MCM5: variants seen among roughly 807,000 people sequenced by gnomAD.
MCM5 encodes the protein DNA replication licensing factor MCM5.
A neutral mutation model predicts 79.9 loss-of-function variants in MCM5; 46 were observed. The observed-to-expected ratio is 0.58, with a 90% CI of 0.45 to 0.74. The LOEUF is 0.74. Among genes scored for constraint, MCM5 ranks in the 30% least tolerant of loss-of-function variants. MCM5 has a pLI of 0.00. For missense variants in MCM5, 883 were observed against 1,017.0 expected, an observed-to-expected ratio of 0.87 and a Z score of 1.79; for synonymous variants, 404 against 390.5, an observed-to-expected ratio of 1.03 and a Z score of -0.41.
chr22:35,429,072 G>T (rs997263504), downstream of MCM5, among the ~76,000 whole-genome samples: 10 of 124,974 alleles, frequency 8.0e-5, no homozygotes, highest in African/African-American at 2.7e-4. Flanking sequence ...TGCAACCTCC[G>T]CCTCCCAGGT....
the MCM5 span, among the ~76,000 whole-genome samples, chr22:35,442,202 A>G: frequency 6.6e-6 from 1 of 150,724 alleles, no homozygotes; most frequent in Non-Finnish European, 1.5e-5. Context: ...TGTATATTAT[A>G]CTCCAGTGCC....
chr22:35,405,109 T>TCA (rs1932173451), intron 4 of MCM5, among the ~76,000 whole-genome samples: 1 of 147,112 alleles, frequency 6.8e-6, no homozygotes, highest in Non-Finnish European at 1.5e-5. Context: ...CACTGCAACT[T>TCA]CCGCCTCATG....
At position 35,414,128 on chromosome 22, in the gene MCM5, G is replaced by C. The variant is rs1028751779; in HGVS notation, c.1203+142G>C. ...CTTTCTCTTGGCTGCGGTCAGGATG[G>C]CCGAGGAGATGGGAGGAAGAAGGGA... is the stretch of plus-strand genomic sequence containing the variant. On this transcript the variant is annotated intron_variant, in intron 9 of 16. Coordinates refer to ENST00000216122, the MANE Select transcript of MCM5 (RefSeq NM_006739.4). 12 of 622,620 alleles carry C rather than the reference G, an allele frequency of 1.9e-5. No individual in the cohort carries two copies. In the African/African-American group the frequency reaches 2.0e-4, roughly 11 times the overall value. The allele number at this position is 622,620 out of a possible 1,614,324, so 38.6% of individuals were successfully genotyped here.
intron 7 of MCM5, 139 bp from the exon 8 acceptor site, chr22:35,412,371 C>A: frequency 1.7e-6 from 1 of 584,848 alleles, no homozygotes; most frequent in Non-Finnish European, 2.7e-6. Context: ...TCTCTGTTTA[C>A]TCAGATAGGT....
In MCM5 at chr22:35,406,599, C is replaced by A; in HGVS notation, c.470C>A (p.Ala157Glu). 1 of 1,613,790 alleles carries A rather than the reference C, an allele frequency of 6.2e-7. No individual in the cohort carries two copies. The highest frequency in any genetic ancestry group is 8.5e-7 in the Non-Finnish European group (1 of 1,180,004). Residue 157 changes from alanine (A) to glutamate (E), a missense_variant, in exon 5 of 17, where the codon GCG becomes GAG. By Grantham distance (107) the Ala-to-Glu change is moderately radical. Transcript: ENST00000216122. The stretch of plus-strand genomic sequence containing the variant: ...GTGAAGATCCCTGGCATCATCATCG[C>A]GGCCTCTGCGGTCCGTGCCAAGGCC... ...HLVKIPGIIIAASAVRAKATR... is the reference protein window; with the variant it reads ...HLVKIPGIIIEASAVRAKATR...
chr22:35,441,055 C>CAAAAAAA, the MCM5 span, among the ~76,000 whole-genome samples: 1 of 96,158 alleles, frequency 1.0e-5, no homozygotes, highest in Non-Finnish European at 2.1e-5. Context: ...GAAACTCTGT[C>CAAAAAAA]AAAAAAAAAA....
rs371404336 is a variant in MCM5, at chr22:35,406,612, C to G, written c.483C>G (p.Val161=). The change falls in exon 5 of 17, where the codon GTC becomes GTG. Residue 161 remains valine, a synonymous_variant. Transcript: ENST00000216122. The stretch of plus-strand genomic sequence containing the variant: ...GCATCATCATCGCGGCCTCTGCGGT[C>G]CGTGCCAAGGCCACCCGCATCTCTA... ...IPGIIIAASA[V]RAKATRISIQ... 53 of 1,613,466 alleles carry G rather than the reference C, an allele frequency of 3.3e-5. No individual in the cohort carries two copies. Among genetic ancestry groups the G allele is most frequent in the Non-Finnish European group, 4.2e-5 (49 of 1,180,044 alleles).
At chr22:35,450,399 TCA>T in the MCM5 span, among the ~76,000 whole-genome samples, 2 of 151,876 alleles carry the variant, frequency 1.3e-5, no homozygotes, top group Non-Finnish European at 2.9e-5. Context: ...CCCTCCAGGG[TCA>T]CACACCTCTC....
At position 35,424,178 on chromosome 22, in the gene MCM5, A is replaced by G. The variant is rs935263792; in HGVS notation, c.2128A>G (p.Lys710Glu). 2 of 1,551,886 alleles carry G rather than the reference A, an allele frequency of 1.3e-6. No individual in the cohort carries two copies. The highest frequency in any genetic ancestry group is 1.4e-5 in the African/African-American group (1 of 73,168). ...GAAATACCCGGAGCACGCCATCCAC[A>G]AGGTGCTGCAGCTCATGCTGCGGCG... ...KQKYPEHAIH[K>E]VLQLMLRRGE... Residue 710 changes from lysine to glutamate, a missense_variant, in exon 17 of 17, where the codon AAG becomes GAG. Lys to Glu is a moderately conservative substitution (Grantham distance 56). Coordinates refer to ENST00000216122, the MANE Select transcript of MCM5 (RefSeq NM_006739.4).
chr22:35,400,723 C>G, intron 2 of MCM5, 118 bp downstream of exon 2: 1 of 1,154,904 alleles, frequency 8.7e-7, no homozygotes, highest in South Asian at 1.6e-5. Flanking sequence ...GGGAAAGAGC[C>G]GGTCCTGGGT....
chr22:35,417,824 C>G lies in MCM5; in HGVS notation c.1671C>G (p.Ala557=). Residue 557 remains alanine, a synonymous_variant, in exon 13 of 17, where the codon GCC becomes GCG. Transcript: ENST00000216122. ...TQAVEGEIDL[A]KLKKFIAYCR... ...CTGTGGAGGGCGAGATTGACCTGGC[C>G]AAGCTGAAGAAGTTTATTGCCTACT... 2 of 1,614,132 alleles carry G rather than the reference C, an allele frequency of 1.2e-6. No individual in the cohort carries two copies. Among genetic ancestry groups the G allele is most frequent in the Non-Finnish European group, 1.7e-6 (2 of 1,179,992 alleles).
At chr22:35,402,419 C>T (rs573953136) in intron 2 of MCM5, among the ~76,000 whole-genome samples, 14 of 151,630 alleles carry the variant, frequency 9.2e-5, no homozygotes, top group African/African-American at 3.1e-4. Context: ...TGCTGCCTGC[C>T]GGGTTCAAGT....
chr22:35,402,287 T>C (rs1932078000), intron 2 of MCM5, among the ~76,000 whole-genome samples: 1 of 152,094 alleles, frequency 6.6e-6, no homozygotes, highest in African/African-American at 2.4e-5. Context: ...AGATGTGTTT[T>C]CTGCTGCCTT....
chr22:35,406,866 GCACAGATCTGAT>G, intron 5 of MCM5, 141 bp downstream of exon 5: 1 of 825,054 alleles, frequency 1.2e-6, no homozygotes, highest in South Asian at 1.7e-5. Context: ...CTTAGGATTG[GCACAGATCTGAT>G]GCCCTGTGGC....
At chr22:35,425,652 G>C (rs919815607), downstream of MCM5, among the ~76,000 whole-genome samples, 4 of 151,918 alleles carry the variant, frequency 2.6e-5, no homozygotes, top group African/African-American at 9.7e-5. Context: ...AACCTTACTG[G>C]GCGCGCTGTG....
chr22:35,433,803 C>T, the MCM5 span, among the ~76,000 whole-genome samples: 2 of 152,174 alleles, frequency 1.3e-5, no homozygotes, highest in African/African-American at 4.8e-5. Flanking sequence ...TCCTCAGAGG[C>T]ACTGGGCCGG....
chr22:35,449,933 C>T, the MCM5 span, among the ~76,000 whole-genome samples: 1 of 152,082 alleles, frequency 6.6e-6, no homozygotes, highest in Admixed American at 6.6e-5. Context: ...AGGTGTGCAC[C>T]ACCATGCCCA....
rs764590872 is a variant in MCM5, at chr22:35,408,519, C to T, written c.708C>T (p.Val236=). Residue 236 remains valine (V), a synonymous_variant, in exon 6 of 17, where the codon GTC becomes GTT. Coordinates refer to ENST00000216122, the MANE Select transcript of MCM5 (RefSeq NM_006739.4). ...AGCTGCAGGAGCTGCCTGATGCAGT[C>T]CCCCACGGGGAGATGCCCAGACACA... ...TLKLQELPDA[V]PHGEMPRHMQ... is the part of the protein sequence containing the mutation. 4.3e-6 allele frequency: 7 copies of T among 1,614,160 alleles called. No individual in the cohort carries two copies. In the South Asian group the frequency reaches 7.7e-5, roughly 18 times the overall value.
chr22:35,435,116 A>G, the MCM5 span, among the ~76,000 whole-genome samples: 1 of 152,190 alleles, frequency 6.6e-6, no homozygotes, highest in East Asian at 1.9e-4. Context: ...GCACCACTAC[A>G]CTCCAGCCTG....
Sources: allele counts gnomAD v4.1 joint callset (sites outside exome capture counted in the v4.1 genomes callset), GRCh38; gene constraint gnomAD v4.1.1; transcripts MANE v1.5; gene names NCBI Gene and HGNC (gene_info 2026-07-23, HGNC 2026-07-21).